Variants in PID1 observed in about 807,000 individuals in gnomAD.
The protein encoded by PID1 is phosphotyrosine interaction domain containing 1.
Under a neutral mutation model 19.1 loss-of-function variants are expected in PID1, and 10 were observed. That is an observed-to-expected ratio of 0.52 (90% confidence interval 0.32 to 0.89). PID1 has a LOEUF of 0.89. Ranked by LOEUF, PID1 falls within the 40% of genes least tolerant of loss-of-function variation. The probability of loss-of-function intolerance (pLI) is 0.03; values close to 1 mark genes in which losing one functional copy is unlikely to be tolerated. For synonymous variants in PID1, 130 were observed against 116.0 expected (o/e 1.12, Z -0.78); for missense variants, 248 against 285.3 (o/e 0.87, Z 0.94).
intron 2 of PID1, among the ~76,000 whole-genome samples, chr2:229,083,489 A>G (rs1694707091): frequency 6.6e-6 from 1 of 152,210 alleles, no homozygotes; most frequent in Non-Finnish European, 1.5e-5. Flanking sequence ...TTAGCCATAA[A>G]CACTAGTATG....
chr2:229,068,546 A>T (rs1694380194), intron 2 of PID1, among the ~76,000 whole-genome samples: 1 of 152,188 alleles, frequency 6.6e-6, no homozygotes, highest in Admixed American at 6.5e-5. Context: ...TCATTTTGTC[A>T]GTTACAGGTA....
In PID1 at chr2:229,154,273, C is replaced by T. The variant is rs185407571; in HGVS notation, c.177+1545G>A. On this transcript the variant is annotated intron_variant, in intron 2 of 2. Coordinates refer to ENST00000392055, the MANE Select transcript of PID1 (RefSeq NM_001100818.2). Reference sequence around the variant, plus strand: ...CACAAGACTCTTTTCCCCCCACCCCCAGCGCCACCACTCATCACAACTTTC... The same window carrying T: ...CACAAGACTCTTTTCCCCCCACCCCTAGCGCCACCACTCATCACAACTTTC... 2.6e-5 allele frequency among the ~76,000 whole-genome samples: 4 copies of T among 152,190 alleles called. No individual in the cohort carries two copies. The East Asian group carries it at 7.7e-4, about 29-fold the overall frequency.
intron 1 of PID1, among the ~76,000 whole-genome samples, chr2:229,243,845 T>C (rs931564236): frequency 8.5e-5 from 13 of 152,166 alleles, no homozygotes; most frequent in African/African-American, 2.7e-4. Flanking sequence ...ATCTACACCA[T>C]TCAAAGCCCA....
At chr2:229,254,235 CA>C (rs1179230781) in intron 1 of PID1, among the ~76,000 whole-genome samples, 3 of 152,110 alleles carry the variant, frequency 2.0e-5, no homozygotes, top group Non-Finnish European at 2.9e-5. Flanking sequence ...AAAGCAAAAT[CA>C]GGGTATTGTT....
intron 2 of PID1, among the ~76,000 whole-genome samples, chr2:229,032,824 A>G (rs560657688): frequency 3.9e-5 from 6 of 152,296 alleles, no homozygotes; most frequent in African/African-American, 1.4e-4. Flanking sequence ...GTGTAAATGG[A>G]CCTGCCCAAC....
chr2:229,214,027 T>A (rs1488153014), intron 1 of PID1, among the ~76,000 whole-genome samples: 1 of 152,190 alleles, frequency 6.6e-6, no homozygotes. Flanking sequence ...AACCGAAACA[T>A]GGAGCAGAGG....
At chr2:229,150,541 C>A (rs1690230302) in intron 2 of PID1, among the ~76,000 whole-genome samples, 1 of 152,186 alleles carries the variant, frequency 6.6e-6, no homozygotes, top group Non-Finnish European at 1.5e-5. Context: ...ACACACCTCC[C>A]CTTGGTATTT....
At chr2:229,199,094 A>T (rs537107607) in intron 1 of PID1, among the ~76,000 whole-genome samples, 17 of 151,866 alleles carry the variant, frequency 1.1e-4, no homozygotes, top group African/African-American at 3.6e-4. Context: ...CTTGTTCCCA[A>T]ACTGACACCC....
chr2:229,050,137 T>C (rs1483823558), intron 2 of PID1, among the ~76,000 whole-genome samples: 2 of 152,164 alleles, frequency 1.3e-5, no homozygotes, highest in Admixed American at 1.3e-4. Context: ...TCTGCGAATC[T>C]CAACAGAAGC....
intron 1 of PID1, 63 bp from the exon 2 acceptor site, chr2:229,156,027 G>A: frequency 6.7e-7 from 1 of 1,495,164 alleles, no homozygotes; most frequent in Non-Finnish European, 9.2e-7. Context: ...TCCTGCAATT[G>A]TACATTAAAC....
chr2:229,220,886 TTC>T (rs1490626841), intron 1 of PID1, among the ~76,000 whole-genome samples: 3 of 152,188 alleles, frequency 2.0e-5, no homozygotes, highest in Non-Finnish European at 4.4e-5. Flanking sequence ...TATTGTGCTA[TTC>T]TGTCTTGATA....
chr2:229,263,512 T>C lies in PID1; in HGVS notation c.30+7502A>G, dbSNP rs139828118. Among the ~76,000 whole-genome samples the C allele has an allele frequency of 7.4e-3, 1,127 of 152,288 alleles. 14 individuals are homozygous for C. Among genetic ancestry groups the C allele is most frequent in the African/African-American group, 0.026 (1,065 of 41,546 alleles). ...TGGTCTCTGACAATCCTTGGACCAG[T>C]ATGAGATTATTATCATGGCTGGGCT... On this transcript the variant is annotated intron_variant, in intron 1 of 2. Transcript: ENST00000392055.
rs192079158 is a variant in PID1, at chr2:229,262,871, G to A, written c.30+8143C>T. Reference sequence around the variant, plus strand: ...TCTTCACAATGGCCTTCTCTGTGCCGCTTCTGTGTCTGCAAATCTCTCCTT... The same window carrying A: ...TCTTCACAATGGCCTTCTCTGTGCCACTTCTGTGTCTGCAAATCTCTCCTT... On this transcript the variant is annotated intron_variant, in intron 1 of 2. Transcript: ENST00000392055. The A allele has an allele frequency of 3.1e-4, 471 of 1,533,302 alleles. No individual in the cohort carries two copies. The East Asian group carries it at 3.1e-3, about 10-fold the overall frequency. The allele number at this position is 1,533,302 out of a possible 1,614,324, so 95.0% of individuals were successfully genotyped here.
At chr2:229,146,724 A>G (rs1690142703) in intron 2 of PID1, among the ~76,000 whole-genome samples, 1 of 152,118 alleles carries the variant, frequency 6.6e-6, no homozygotes, top group Non-Finnish European at 1.5e-5. Context: ...CTAGATAGAT[A>G]GATTACTGGA....
At chr2:229,243,354 A>G (rs1689923072) in intron 1 of PID1, among the ~76,000 whole-genome samples, 1 of 152,128 alleles carries the variant, frequency 6.6e-6, no homozygotes, top group Non-Finnish European at 1.5e-5. Flanking sequence ...GAGCCAAACC[A>G]TATCAATCCT....
At chr2:229,096,163 A>G (rs1000923223) in intron 2 of PID1, among the ~76,000 whole-genome samples, 1 of 152,224 alleles carries the variant, frequency 6.6e-6, no homozygotes, top group African/African-American at 2.4e-5. Context: ...ACACTTACAA[A>G]TTAAAATGGA....
chr2:229,218,373 C>T (rs1691894641), intron 1 of PID1, among the ~76,000 whole-genome samples: 1 of 146,172 alleles, frequency 6.8e-6, no homozygotes, highest in African/African-American at 2.5e-5. Context: ...ACTTGTTTTA[C>T]TTCTTTTTGT....
At chr2:229,056,324 G>A (rs1310670818) in intron 2 of PID1, among the ~76,000 whole-genome samples, 6 of 152,128 alleles carry the variant, frequency 3.9e-5, no homozygotes, top group African/African-American at 9.7e-5. Context: ...AAGCCACTGA[G>A]TTTTGGGGTG....
At chr2:229,138,615 T>C (rs143327174) in intron 2 of PID1, among the ~76,000 whole-genome samples, 65 of 152,210 alleles carry the variant, frequency 4.3e-4, no homozygotes, top group African/African-American at 1.4e-3. Context: ...ACAGTAATTT[T>C]TTGGTTCTCC....
Sources: allele counts gnomAD v4.1 joint callset (sites outside exome capture counted in the v4.1 genomes callset), GRCh38; gene constraint gnomAD v4.1.1; transcripts MANE v1.5; gene names NCBI Gene and HGNC (gene_info 2026-07-23, HGNC 2026-07-21).